Variants in SEC23A observed in about 807,000 individuals in gnomAD.
SEC23A encodes protein transport protein Sec23A.
SEC23A carries 56 observed loss-of-function variants against 103.7 expected under a neutral mutation model. The observed-to-expected ratio is 0.54, with a 90% CI of 0.44 to 0.67. The LOEUF (loss-of-function observed/expected upper bound fraction) is 0.67, where lower values mean the gene tolerates loss of function less well. Ranked by LOEUF, SEC23A falls within the 30% of genes least tolerant of loss-of-function variation. The pLI is 0.00. For missense variants in SEC23A, 784 were observed against 936.4 expected (o/e 0.84, Z 2.12); for synonymous variants, 281 against 293.0 (o/e 0.96, Z 0.42).
rs151126737 is a variant in SEC23A at position 39,037,017 on chromosome 14, A to G, written c.2208+2014T>C. ...GTTACCTCCTTCTTCTTCCTTCTAT[A>G]AAGTCACCTTTTATGACATACTATT... On this transcript the variant is annotated intron_variant, in intron 19 of 19. Coordinates refer to ENST00000307712, the MANE Select transcript of SEC23A (RefSeq NM_006364.4). 1.4e-4 allele frequency among the ~76,000 whole-genome samples: 21 copies of G among 152,194 alleles called. No homozygotes were observed. In the East Asian group the frequency reaches 2.7e-3, roughly 20 times the overall value.
chr14:39,034,189 G>T (rs118012867), intron 19 of SEC23A, among the ~76,000 whole-genome samples: 2 of 152,246 alleles, frequency 1.3e-5, no homozygotes, highest in Non-Finnish European at 2.9e-5. Context: ...TGGGATTAAG[G>T]GCATAGAGTC....
At chr14:39,064,478 T>G (rs67190795) in intron 11 of SEC23A, 42,051 of 152,764 alleles carry the variant, frequency 0.28, 6,750 homozygotes, top group Non-Finnish European at 0.35. Flanking sequence ...ATCATGAGTT[T>G]TTTTTGTTTT....
intron 7 of SEC23A, among the ~76,000 whole-genome samples, chr14:39,078,381 AG>A (rs1368957539): frequency 2.0e-5 from 3 of 152,220 alleles, no homozygotes; most frequent in Non-Finnish European, 1.5e-5. Flanking sequence ...AACACATCAC[AG>A]ATATCAAAAG....
intron 12 of SEC23A, 103 bp from the exon 13 acceptor site, chr14:39,061,974 T>C (rs1401717468): frequency 1.3e-6 from 1 of 775,608 alleles, no homozygotes; most frequent in East Asian, 2.5e-5. Flanking sequence ...CATTCTAAAA[T>C]TGATTAGAAG....
Position 39,062,215 on chromosome 14 carries a change from T to C in SEC23A, c.1399-344A>G, listed in dbSNP as rs1032007188. On this transcript the variant is annotated intron_variant, in intron 12 of 19. Coordinates refer to ENST00000307712, the MANE Select transcript of SEC23A (RefSeq NM_006364.4). ...AGCCATTTAAGCCAAACTGCACAGA[T>C]TGAATATCCCTTATCCAAAATGCTT... Among the ~76,000 whole-genome samples the C allele has an allele frequency of 6.6e-5, 10 of 152,190 alleles. 1 individual carries two copies. The highest frequency in any genetic ancestry group is 2.2e-4 in the African/African-American group (9 of 41,446).
intron 7 of SEC23A, among the ~76,000 whole-genome samples, chr14:39,084,255 T>C (rs1418334501): frequency 6.6e-6 from 1 of 151,720 alleles, no homozygotes; most frequent in Non-Finnish European, 1.5e-5. Flanking sequence ...CTCGATCTCC[T>C]GACCTCGTGA....
intron 2 of SEC23A, among the ~76,000 whole-genome samples, chr14:39,093,923 T>C (rs972374796): frequency 7.2e-5 from 11 of 152,040 alleles, no homozygotes; most frequent in Non-Finnish European, 1.6e-4. Context: ...CAACCACTAT[T>C]TTAGGCGCTG....
chr14:39,094,923 A>C (rs1594487625), intron 2 of SEC23A: 1 of 678,784 alleles, frequency 1.5e-6, no homozygotes, highest in African/African-American at 1.8e-5. Context: ...AGGAGTTTGT[A>C]TTTCTCATTC....
intron 1 of SEC23A, among the ~76,000 whole-genome samples, chr14:39,101,142 C>T (rs1888076516): frequency 6.6e-6 from 1 of 152,086 alleles, no homozygotes; most frequent in Admixed American, 6.6e-5. Flanking sequence ...CCGCACCCAG[C>T]CACTAGTCTT....
At position 39,033,103 on chromosome 14, in the gene SEC23A, A is replaced by G. The variant is rs1053400234; in HGVS notation, c.*136T>C. ...TAATCTACAAATGTGAACATTTTCC[A>G]TATGTTGTCTCAAACCATACTAATA... On this transcript the variant is annotated 3_prime_UTR_variant, in exon 20 of 20. Coordinates refer to ENST00000307712, the MANE Select transcript of SEC23A (RefSeq NM_006364.4). The G allele has an allele frequency of 8.8e-6, 6 of 679,616 alleles. No individual in the cohort carries two copies. The highest frequency in any genetic ancestry group is 7.2e-5 in the African/African-American group (4 of 55,456). 42.1% of individuals were successfully genotyped at this position (679,616 alleles called of 1,614,324 possible).
chr14:39,044,153 C>T (rs150357351), intron 16 of SEC23A, among the ~76,000 whole-genome samples: 224 of 152,102 alleles, frequency 1.5e-3, no homozygotes, highest in African/African-American at 5.2e-3. Context: ...ACCCTAAGAA[C>T]ATGAAGCTGA....
intron 9 of SEC23A, among the ~76,000 whole-genome samples, chr14:39,072,697 C>T (rs1886878708): frequency 6.6e-6 from 1 of 152,024 alleles, no homozygotes; most frequent in Admixed American, 6.5e-5. Flanking sequence ...GCCTGTAGTC[C>T]CAGCTACTCA....
intron 10 of SEC23A, among the ~76,000 whole-genome samples, chr14:39,066,128 C>T: frequency 6.7e-6 from 1 of 149,824 alleles, no homozygotes; most frequent in East Asian, 2.0e-4. Context: ...TTATAATTTA[C>T]CATTATGTCA....
At chr14:39,033,425 T>TAGAACAAG in intron 19 of SEC23A, 97 bp from the exon 20 acceptor site, 1 of 654,374 alleles carries the variant, frequency 1.5e-6, no homozygotes, top group Non-Finnish European at 2.4e-6. Flanking sequence ...TCATTTGAAA[T>TAGAACAAG]GCCTATGGTC....
intron 7 of SEC23A, among the ~76,000 whole-genome samples, chr14:39,079,601 C>G (rs1400209321): frequency 6.6e-6 from 1 of 152,242 alleles, no homozygotes; most frequent in East Asian, 1.9e-4. Flanking sequence ...GGGCGGATCA[C>G]CTGAGGTCAG....
At position 39,031,973 on chromosome 14, in the gene SEC23A, T is replaced by G. The variant is rs1231764127; in HGVS notation, c.*1266A>C. 1 of 152,628 alleles carries G rather than the reference T, an allele frequency of 6.6e-6. No individual in the cohort carries two copies. The highest frequency in any genetic ancestry group is 2.4e-5 in the African/African-American group (1 of 41,456). The allele number at this position is 152,628 out of a possible 1,614,324, so 9.5% of individuals were successfully genotyped here. On this transcript the variant is annotated 3_prime_UTR_variant, in exon 20 of 20. Coordinates refer to ENST00000307712, the MANE Select transcript of SEC23A (RefSeq NM_006364.4). ...TAGGCCTAGCGTAGTTCAATTCAAA[T>G]AAAATATAACAAAGCAACTTATTTA...
chr14:39,092,222 A>G (rs1013292919), intron 4 of SEC23A, among the ~76,000 whole-genome samples: 1 of 152,230 alleles, frequency 6.6e-6, no homozygotes, highest in African/African-American at 2.4e-5. Context: ...TGGGGGATAC[A>G]TTAGCCAACT....
At chr14:39,066,012 A>C (rs1886652990) in intron 10 of SEC23A, among the ~76,000 whole-genome samples, 1 of 47,596 alleles carries the variant, frequency 2.1e-5, no homozygotes, top group Non-Finnish European at 5.3e-5. Context: ...AAAAAAAAAA[A>C]AAAAAAAAAA....
At chr14:39,078,670 C>T (rs1034725006) in intron 7 of SEC23A, among the ~76,000 whole-genome samples, 3 of 152,114 alleles carry the variant, frequency 2.0e-5, no homozygotes, top group African/African-American at 7.2e-5. Flanking sequence ...CATGACAACT[C>T]TCAAAAGTTT....
Sources: allele counts gnomAD v4.1 joint callset (sites outside exome capture counted in the v4.1 genomes callset), GRCh38; gene constraint gnomAD v4.1.1; transcripts MANE v1.5; gene names NCBI Gene and HGNC (gene_info 2026-07-23, HGNC 2026-07-21).